Variants in ROBO1 observed in about 807,000 individuals in gnomAD.
ROBO1 encodes the protein roundabout homolog 1.
ROBO1 carries 149 observed loss-of-function variants against 195.9 expected under a neutral mutation model. The ratio of observed to expected loss-of-function variants is 0.76; its 90% CI spans 0.67 to 0.87. The LOEUF (loss-of-function observed/expected upper bound fraction) is 0.87, where lower values mean the gene tolerates loss of function less well. ROBO1 is among the 40% of genes least tolerant of loss of function. The pLI, the probability that ROBO1 is intolerant of heterozygous loss-of-function variation, is 0.00. For missense variants in ROBO1, 1,933 were observed against 2,068.3 expected (o/e 0.93, Z 1.27); for synonymous variants, 816 against 733.2 (o/e 1.11, Z -1.82).
intron 2 of ROBO1, among the ~76,000 whole-genome samples, chr3:79,166,371 A>G (rs2081063164): frequency 6.6e-6 from 1 of 152,260 alleles, no homozygotes; most frequent in East Asian, 1.9e-4. Flanking sequence ...AATATTCATT[A>G]CTCATCTTAT....
chr3:79,363,581 C>T (rs185373090), intron 2 of ROBO1, among the ~76,000 whole-genome samples: 82 of 152,222 alleles, frequency 5.4e-4, no homozygotes, highest in African/African-American at 1.8e-3. Context: ...AATTAAAACA[C>T]GACTACTAAC....
intron 3 of ROBO1, among the ~76,000 whole-genome samples, chr3:79,041,609 A>C (rs916268960): frequency 6.6e-6 from 1 of 152,324 alleles, no homozygotes; most frequent in East Asian, 1.9e-4. Flanking sequence ...ATAAGTAAAA[A>C]CTGTAATTAA....
intron 4 of ROBO1, among the ~76,000 whole-genome samples, chr3:78,892,353 C>CA (rs1210841433): frequency 1.3e-5 from 2 of 152,102 alleles, no homozygotes; most frequent in African/African-American, 4.8e-5. Flanking sequence ...TCCCTGATGC[C>CA]AAAAAGGTTG....
intron 1 of ROBO1, among the ~76,000 whole-genome samples, chr3:79,751,124 C>G (rs1704112402): frequency 6.6e-6 from 1 of 152,040 alleles, no homozygotes; most frequent in African/African-American, 2.4e-5. Context: ...TTTTGCAAAT[C>G]AAATGGAAAT....
intron 3 of ROBO1, among the ~76,000 whole-genome samples, chr3:78,940,102 G>C (rs1576434889): frequency 6.6e-6 from 1 of 152,112 alleles, no homozygotes; most frequent in Non-Finnish European, 1.5e-5. Flanking sequence ...AGGCCTTACT[G>C]AAAGAGTCCC....
At chr3:79,357,721 A>G (rs992101391) in intron 2 of ROBO1, among the ~76,000 whole-genome samples, 1 of 152,124 alleles carries the variant, frequency 6.6e-6, no homozygotes, top group African/African-American at 2.4e-5. Flanking sequence ...CATATTGCCA[A>G]ATTGGATTCC....
chr3:79,414,825 A>G (rs927482857), intron 2 of ROBO1, among the ~76,000 whole-genome samples: 1 of 152,194 alleles, frequency 6.6e-6, no homozygotes, highest in Admixed American at 6.6e-5. Context: ...ACTGAAGATT[A>G]TCAGCAGATG....
intron 4 of ROBO1, among the ~76,000 whole-genome samples, chr3:78,751,545 A>G (rs1385535422): frequency 6.6e-6 from 1 of 152,156 alleles, no homozygotes; most frequent in African/African-American, 2.4e-5. Context: ...TTGCCTGCCT[A>G]TCTGGTCTTA....
chr3:79,696,630 A>G (rs7432480), intron 1 of ROBO1, among the ~76,000 whole-genome samples: 44,259 of 150,970 alleles, frequency 0.29, 7,708 homozygotes, highest in East Asian at 0.53. Flanking sequence ...ATGATATCTG[A>G]AATACTTTTA....
chr3:79,430,902 A>G (rs778525169), intron 2 of ROBO1, among the ~76,000 whole-genome samples: 2 of 152,122 alleles, frequency 1.3e-5, no homozygotes, highest in Non-Finnish European at 2.9e-5. Context: ...TTAGTGCATT[A>G]TGTTAGACTG....
At chr3:79,555,741 A>C (rs1166862034) in intron 2 of ROBO1, among the ~76,000 whole-genome samples, 1 of 152,160 alleles carries the variant, frequency 6.6e-6, no homozygotes, top group Non-Finnish European at 1.5e-5. Flanking sequence ...GTAAAACTTT[A>C]AAGATTTCAT....
intron 2 of ROBO1, among the ~76,000 whole-genome samples, chr3:79,379,372 C>G (rs1191972551): frequency 6.6e-6 from 1 of 152,118 alleles, no homozygotes; most frequent in Non-Finnish European, 1.5e-5. Flanking sequence ...AACTTAACAT[C>G]AGCACAGGAT....
At chr3:79,346,102 G>A (rs1163493470) in intron 2 of ROBO1, among the ~76,000 whole-genome samples, 2 of 152,080 alleles carry the variant, frequency 1.3e-5, no homozygotes, top group Non-Finnish European at 2.9e-5. Context: ...TAGATGCAGT[G>A]ATATACTGTC....
chr3:78,821,952 G>A (rs2031024198), intron 4 of ROBO1, among the ~76,000 whole-genome samples: 1 of 152,036 alleles, frequency 6.6e-6, no homozygotes, highest in Admixed American at 6.6e-5. Context: ...TGAGCAGATA[G>A]ATTATCATTG....
chr3:79,511,892 G>A (rs1295435768), intron 2 of ROBO1, among the ~76,000 whole-genome samples: 1 of 152,060 alleles, frequency 6.6e-6, no homozygotes, highest in African/African-American at 2.4e-5. Flanking sequence ...GACACACAGA[G>A]GGGAACAACA....
intron 2 of ROBO1, among the ~76,000 whole-genome samples, chr3:79,499,206 G>A (rs1461290531): frequency 6.6e-6 from 1 of 152,262 alleles, no homozygotes; most frequent in African/African-American, 2.4e-5. Context: ...TGTTGGCCAG[G>A]CTGGTCTCGA....
intron 2 of ROBO1, among the ~76,000 whole-genome samples, chr3:79,259,907 T>A (rs2082908142): frequency 2.0e-5 from 3 of 152,136 alleles, no homozygotes; most frequent in Non-Finnish European, 2.9e-5. Flanking sequence ...TAAAATGCAT[T>A]TGTAATTCTT....
At chr3:79,625,722 T>TA (rs1945156569) in intron 1 of ROBO1, among the ~76,000 whole-genome samples, 1 of 151,996 alleles carries the variant, frequency 6.6e-6, no homozygotes, top group Non-Finnish European at 1.5e-5. Context: ...ATTAAAAGCC[T>TA]ACCAACCAAA....
chr3:79,033,087 T>A (rs1397942812), intron 3 of ROBO1, among the ~76,000 whole-genome samples: 3 of 152,074 alleles, frequency 2.0e-5, no homozygotes, highest in Non-Finnish European at 2.9e-5. Flanking sequence ...AGATTTTAGT[T>A]TTTGTATTAG....
Sources: gnomAD v4.1 joint callset for allele counts (sites outside exome capture counted in the v4.1 genomes callset) on GRCh38, gnomAD v4.1.1 for gene constraint, MANE v1.5 for transcripts, NCBI Gene and HGNC (gene_info 2026-07-23, HGNC 2026-07-21) for gene names.